NELL1: variants seen among roughly 807,000 people sequenced by gnomAD.
NELL1 encodes the protein neural EGFL like 1.
Under a neutral mutation model 107.4 loss-of-function variants are expected in NELL1, and 76 were observed. The observed-to-expected ratio is 0.71, with a 90% CI of 0.59 to 0.86. The LOEUF is 0.86. NELL1 is among the 40% of genes least tolerant of loss of function. The probability of loss-of-function intolerance (pLI) is 0.00; values close to 1 mark genes in which losing one functional copy is unlikely to be tolerated. For synonymous variants in NELL1, 353 were observed against 341.2 expected, an observed-to-expected ratio of 1.03 and a Z score of -0.38; for missense variants, 1,024 against 1,005.5, an observed-to-expected ratio of 1.02 and a Z score of -0.25.
At chr11:21,132,310 T>G (rs924533212) in intron 13 of NELL1, among the ~76,000 whole-genome samples, 1 of 152,170 alleles carries the variant, frequency 6.6e-6, no homozygotes, top group East Asian at 1.9e-4. Context: ...CCTCACCAGC[T>G]GGAAACCTCT....
chr11:20,693,860 G>A (rs1854540768), intron 2 of NELL1, among the ~76,000 whole-genome samples: 2 of 152,076 alleles, frequency 1.3e-5, no homozygotes, highest in Admixed American at 1.3e-4. Context: ...AAGTTCTCTT[G>A]GATAGTATCC....
At chr11:21,478,155 G>A (rs1854396850) in intron 15 of NELL1, among the ~76,000 whole-genome samples, 1 of 152,130 alleles carries the variant, frequency 6.6e-6, no homozygotes. Context: ...AGGAGAAAGA[G>A]TGCAGGGAAA....
chr11:21,064,023 T>A (rs1328761117), intron 12 of NELL1, among the ~76,000 whole-genome samples: 2 of 152,040 alleles, frequency 1.3e-5, no homozygotes, highest in African/African-American at 4.8e-5. Flanking sequence ...AGTGATGGAG[T>A]TAGCCTTGCA....
At chr11:20,685,038 C>G (rs1345265524) in intron 2 of NELL1, among the ~76,000 whole-genome samples, 1 of 151,464 alleles carries the variant, frequency 6.6e-6, no homozygotes, top group Non-Finnish European at 1.5e-5. Context: ...ATCTGTGTTT[C>G]CGTCTTTGTG....
intron 12 of NELL1, among the ~76,000 whole-genome samples, chr11:21,078,962 T>G (rs1218050773): frequency 6.6e-6 from 1 of 151,926 alleles, no homozygotes; most frequent in African/African-American, 2.4e-5. Context: ...TATAAATGGT[T>G]TAGCTTCCCA....
intron 15 of NELL1, among the ~76,000 whole-genome samples, chr11:21,490,179 A>G (rs924330970): frequency 6.6e-6 from 1 of 152,068 alleles, no homozygotes; most frequent in African/African-American, 2.4e-5. Flanking sequence ...TCAAGAAAGC[A>G]ATTTTATTTA....
At chr11:21,077,236 A>G (rs1201530906) in intron 12 of NELL1, among the ~76,000 whole-genome samples, 2 of 152,204 alleles carry the variant, frequency 1.3e-5, no homozygotes, top group Non-Finnish European at 1.5e-5. Flanking sequence ...TTCTAAAGAC[A>G]TAGAGGAAAT....
intron 7 of NELL1, among the ~76,000 whole-genome samples, chr11:20,924,347 C>T (rs1445799315): frequency 6.6e-6 from 1 of 152,084 alleles, no homozygotes; most frequent in East Asian, 1.9e-4. Flanking sequence ...ATTTGGTGTG[C>T]TCTTATTATT....
Position 20,670,027 on chromosome 11 carries a change from G to T in NELL1, c.55+249G>T, listed in dbSNP as rs1590192414. Among the ~76,000 whole-genome samples the T allele has an allele frequency of 2.0e-5, 3 of 152,318 alleles. No individual in the cohort carries two copies. In the East Asian group the frequency reaches 5.8e-4, roughly 30 times the overall value. The stretch of plus-strand genomic sequence containing the variant: ...CCTCAGGGGCGCAGGAGTGAGGGGC[G>T]CGGCCGAGTAGGCGCACCCTCTTGC... On this transcript the variant is annotated intron_variant, in intron 1 of 19. Transcript: ENST00000357134.
intron 14 of NELL1, among the ~76,000 whole-genome samples, chr11:21,245,859 G>A (rs906787660): frequency 6.6e-6 from 1 of 152,112 alleles, no homozygotes; most frequent in African/African-American, 2.4e-5. Context: ...TGAAGGGGAA[G>A]GTTTTAAGCT....
Position 20,693,951 on chromosome 11 carries a change from A to G in NELL1, c.184+15891A>G, listed in dbSNP as rs546595223. 6.6e-5 allele frequency among the ~76,000 whole-genome samples: 10 copies of G among 152,096 alleles called. No homozygotes were observed. In the East Asian group the frequency reaches 1.9e-3, roughly 29 times the overall value. On this transcript the variant is annotated intron_variant, in intron 2 of 19. Transcript: ENST00000357134. ...TCAGACGCAGATTTGGTCTTTTCAC[A>G]TAGTCCCATATTTCTTGGAGGCTTT... is the stretch of plus-strand genomic sequence containing the variant.
intron 15 of NELL1, among the ~76,000 whole-genome samples, chr11:21,450,777 T>C (rs752459382): frequency 2.0e-5 from 3 of 152,124 alleles, no homozygotes; most frequent in Admixed American, 6.5e-5. Flanking sequence ...AATAAAATAT[T>C]TTGAATAGTC....
chr11:20,670,203 G>T (rs1383140250), intron 1 of NELL1, among the ~76,000 whole-genome samples: 1 of 152,114 alleles, frequency 6.6e-6, no homozygotes, highest in Admixed American at 6.5e-5. Flanking sequence ...AGTCGCACCC[G>T]CAGAGGGAGC....
chr11:20,741,141 C>G (rs923909462), intron 2 of NELL1, among the ~76,000 whole-genome samples: 2 of 140,676 alleles, frequency 1.4e-5, no homozygotes, highest in African/African-American at 5.2e-5. Flanking sequence ...TAAGCTGCTT[C>G]TAATCCTCCC....
chr11:21,180,747 G>A (rs1337377815), intron 13 of NELL1, among the ~76,000 whole-genome samples: 1 of 151,534 alleles, frequency 6.6e-6, no homozygotes, highest in Middle Eastern at 3.2e-3. Flanking sequence ...CCTTTACTGG[G>A]GCAAGGTTTA....
At chr11:21,342,417 G>T (rs999507756) in intron 14 of NELL1, among the ~76,000 whole-genome samples, 5 of 148,404 alleles carry the variant, frequency 3.4e-5, no homozygotes, top group Non-Finnish European at 6.0e-5. Context: ...TAAGTGGGGG[G>T]GGGGGTCACT....
At chr11:20,812,198 A>AT (rs1194867585) in intron 3 of NELL1, among the ~76,000 whole-genome samples, 3 of 151,426 alleles carry the variant, frequency 2.0e-5, no homozygotes, top group Non-Finnish European at 4.4e-5. Flanking sequence ...AGATGATCAT[A>AT]TTTTTTTTTC....
intron 2 of NELL1, among the ~76,000 whole-genome samples, chr11:20,686,738 T>G (rs1182971194): frequency 2.6e-5 from 4 of 152,158 alleles, no homozygotes; most frequent in Non-Finnish European, 5.9e-5. Context: ...TGGAGAAACT[T>G]TCAGGTGGAA....
In NELL1 at chr11:21,487,646, A is replaced by G. The variant is rs576370583; in HGVS notation, c.1646-46728A>G. 5.3e-4 allele frequency among the ~76,000 whole-genome samples: 81 copies of G among 152,290 alleles called. 3 individuals are homozygous for G. In the South Asian group the frequency reaches 0.016, roughly 29 times the overall value. ...AACAAAGAACATACAACCAGAAAACAATGAACAATATGACAAAAACCCTGA... is the reference window on the plus strand; with the variant it reads ...AACAAAGAACATACAACCAGAAAACGATGAACAATATGACAAAAACCCTGA... On this transcript the variant is annotated intron_variant, in intron 15 of 19. Coordinates refer to ENST00000357134, the MANE Select transcript of NELL1 (RefSeq NM_006157.5).
Sources: gnomAD v4.1 joint callset for allele counts (sites outside exome capture counted in the v4.1 genomes callset) on GRCh38, gnomAD v4.1.1 for gene constraint, MANE v1.5 for transcripts, NCBI Gene and HGNC (gene_info 2026-07-23, HGNC 2026-07-21) for gene names.